The following ANPEP variants were observed in gnomAD, a reference collection of about 807,000 sequenced individuals.
The protein encoded by ANPEP is alanyl aminopeptidase, membrane.
In ANPEP, 70 loss-of-function variants were observed where a neutral mutation model predicts 114.6. The observed-to-expected ratio is 0.61, with a 90% CI of 0.50 to 0.75. The LOEUF (loss-of-function observed/expected upper bound fraction) is 0.75. Among genes scored for constraint, ANPEP ranks in the 30% least tolerant of loss-of-function variants. ANPEP has a pLI of 0.00. For synonymous variants in ANPEP, 548 were observed against 522.3 expected (o/e 1.05, Z -0.67); for missense variants, 1,184 against 1,259.5 (o/e 0.94, Z 0.91).
intron 1 of ANPEP, among the ~76,000 whole-genome samples, chr15:89,811,857 G>C (rs998791087): frequency 4.6e-5 from 7 of 152,084 alleles, no homozygotes; most frequent in Admixed American, 6.5e-5. Flanking sequence ...TCTTGACGGG[G>C]TAGAAGCCGA....
rs1356071678 is a variant in ANPEP at position 89,797,661 on chromosome 15, G to A, written c.2071C>T (p.Gln691Ter). 4.3e-6 allele frequency: 7 copies of A among 1,614,152 alleles called. No individual in the cohort carries two copies. The highest frequency in any genetic ancestry group is 5.9e-6 in the Non-Finnish European group (7 of 1,180,038). The change falls in exon 15 of 21, where the codon CAG becomes TAG. Residue 691 changes from glutamine (Q) to a stop codon, truncating the protein, a stop_gained. Transcript: ENST00000300060. LOFTEE classifies it high-confidence loss of function. ...NNTLFLIEER[Q>*]YMPWEAALSS... Reference sequence around the variant, plus strand: ...AGGGCGGCCTCCCAGGGCATGTACTGTCTCTCTTCAATCAGGAAGAGGGTG... The same window carrying A: ...AGGGCGGCCTCCCAGGGCATGTACTATCTCTCTTCAATCAGGAAGAGGGTG...
At chr15:89,805,644 T>C (rs1894695453) in intron 2 of ANPEP, among the ~76,000 whole-genome samples, 181 bp from the exon 3 acceptor site, 1 of 152,058 alleles carries the variant, frequency 6.6e-6, no homozygotes, top group Admixed American at 6.5e-5. Context: ...AGCTGACTCG[T>C]GGGGGTTGGG....
intron 20 of ANPEP, among the ~76,000 whole-genome samples, chr15:89,789,709 G>A (rs1001174189): frequency 2.0e-5 from 3 of 147,484 alleles, no homozygotes; most frequent in Non-Finnish European, 3.0e-5. Flanking sequence ...AGAGGCAGAG[G>A]TTGCAGTGAG....
chr15:89,813,631 C>A (rs1372102055), intron 1 of ANPEP, among the ~76,000 whole-genome samples: 1 of 152,128 alleles, frequency 6.6e-6, no homozygotes, highest in Non-Finnish European at 1.5e-5. Flanking sequence ...GCCCAGCTCC[C>A]CCATACCCAC....
intron 16 of ANPEP, 21 bp downstream of exon 16, chr15:89,793,014 C>G (rs773021246): frequency 1.2e-6 from 2 of 1,607,522 alleles, no homozygotes; most frequent in African/African-American, 2.7e-5. Flanking sequence ...GACTTCCAAA[C>G]CCATGAGAGC....
At chr15:89,811,444 A>G (rs1894813390) in intron 1 of ANPEP, among the ~76,000 whole-genome samples, 1 of 151,838 alleles carries the variant, frequency 6.6e-6, no homozygotes, top group Admixed American at 6.6e-5. Context: ...CAGCAGATCG[A>G]GACCATCCTG....
At chr15:89,804,647 G>C in intron 4 of ANPEP, 30 bp from the exon 5 acceptor site, 1 of 1,607,334 alleles carries the variant, frequency 6.2e-7, no homozygotes, top group Non-Finnish European at 8.5e-7. Flanking sequence ...AGCAGACCAG[G>C]GGCTCCTGTT....
chr15:89,812,648 G>T (rs897437693), intron 1 of ANPEP, among the ~76,000 whole-genome samples: 2 of 151,948 alleles, frequency 1.3e-5, no homozygotes, highest in Non-Finnish European at 2.9e-5. Flanking sequence ...GCCAAATGGG[G>T]GGTGATTATC....
chr15:89,792,555 C>G lies in ANPEP; in HGVS notation c.2257G>C (p.Glu753Gln). ...CAGGCGGTGCTGATGGCATTAACCT[C>G]GCTGTACCTGCCCCAGGGGTGACAC... ...IPENLMDQYS[E>Q]VNAISTACSN... Residue 753 changes from glutamate to glutamine, a missense_variant, in exon 17 of 21, where the codon GAG becomes CAG. Glu to Gln is a conservative substitution (Grantham distance 29). Transcript: ENST00000300060. 6.2e-7 allele frequency: 1 copy of G among 1,614,044 alleles called. No homozygotes were observed. Among genetic ancestry groups the G allele is most frequent in the Non-Finnish European group, 8.5e-7 (1 of 1,179,918 alleles).
chr15:89,801,638 A>C (rs1363277438), intron 10 of ANPEP, 31 bp from the exon 11 acceptor site: 11 of 1,606,328 alleles, frequency 6.8e-6, no homozygotes, highest in Middle Eastern at 1.9e-4. Flanking sequence ...CGTGGCCATC[A>C]GTGGGACCCT....
rs1044437154 is a variant in ANPEP at position 89,793,590 on chromosome 15, C to A, written c.2158-464G>T. On this transcript the variant is annotated intron_variant, in intron 15 of 20. Coordinates refer to ENST00000300060, the MANE Select transcript of ANPEP (RefSeq NM_001150.3). Reference sequence around the variant, plus strand: ...TGGTGGTGCACACCTGTATTCCCAGCTACTTGGGAGGCTGAGGCAGGAGAA... The same window carrying A: ...TGGTGGTGCACACCTGTATTCCCAGATACTTGGGAGGCTGAGGCAGGAGAA... 2.6e-5 allele frequency among the ~76,000 whole-genome samples: 4 copies of A among 151,084 alleles called. No homozygotes were observed. In the Admixed American group the frequency reaches 2.7e-4, roughly 10 times the overall value.
chr15:89,796,086 C>A (rs1447196852), intron 15 of ANPEP, among the ~76,000 whole-genome samples: 1 of 152,170 alleles, frequency 6.6e-6, no homozygotes, highest in Non-Finnish European at 1.5e-5. Context: ...CATGGTGGTG[C>A]ACATCTGAGG....
chr15:89,789,630 G>A (rs909869305), intron 20 of ANPEP, among the ~76,000 whole-genome samples: 22 of 151,744 alleles, frequency 1.4e-4, no homozygotes, highest in Admixed American at 5.9e-4. Context: ...AAAATTAGCC[G>A]GGTGTGGGGG....
At position 89,803,761 on chromosome 15, in the gene ANPEP, G is replaced by A. The variant is rs1485515016; in HGVS notation, c.1323C>T (p.Tyr441=). 6.2e-7 allele frequency: 1 copy of A among 1,609,846 alleles called. No individual in the cohort carries two copies. Among genetic ancestry groups the A allele is most frequent in the East Asian group, 2.2e-5 (1 of 44,736 alleles). ...CCAGTGCATCCACTGCCATCACGCG[G>A]TACACATCATTCAGCACCATGAGGT... ...LKDLMVLNDV[Y]RVMAVDALAS... The change falls in exon 8 of 21, where the codon TAC becomes TAT. Residue 441 remains tyrosine (Y), a synonymous_variant. Transcript: ENST00000300060. The surrounding 1 kb of genome is among the most constrained non-coding windows in gnomAD (Gnocchi z 4.2).
chr15:89,809,697 A>G (rs1336300751), intron 1 of ANPEP, among the ~76,000 whole-genome samples: 2 of 152,098 alleles, frequency 1.3e-5, no homozygotes, highest in African/African-American at 2.4e-5. Context: ...ACCCAACCCC[A>G]CCAGCACACG....
rs562643446 is a variant in ANPEP, at chr15:89,810,304, G to A, written c.-223-3498C>T. Among the ~76,000 whole-genome samples, 16 of 152,188 alleles carry A rather than the reference G, an allele frequency of 1.1e-4. No homozygotes were observed. The South Asian group carries it at 1.4e-3, about 14-fold the overall frequency. ...TGAGGCAGGAGAATCGCTTGAACTC[G>A]GGAGGCAGAGGTTGCAGTGAGCCGA... On this transcript the variant is annotated intron_variant, in intron 1 of 20. Coordinates refer to ENST00000300060, the MANE Select transcript of ANPEP (RefSeq NM_001150.3).
intron 1 of ANPEP, among the ~76,000 whole-genome samples, chr15:89,808,896 G>A (rs72754573): frequency 1.8e-3 from 281 of 152,368 alleles, no homozygotes; most frequent in Non-Finnish European, 2.4e-3. Context: ...CTCGTCTGGT[G>A]TATGGAGGCC....
Position 89,799,146 on chromosome 15 carries a change from G to A in ANPEP, c.2009+114C>T. On this transcript the variant is annotated intron_variant, in intron 14 of 20. Coordinates refer to ENST00000300060, the MANE Select transcript of ANPEP (RefSeq NM_001150.3). The surrounding 1 kb of genome is among the most constrained non-coding windows in gnomAD (Gnocchi z 4.2). ...CGTCCAGGGAGCACAGGAGCTCAGG[G>A]CACAGCACGTGGCATATGGGAAGGG... 7.4e-6 allele frequency: 9 copies of A among 1,223,716 alleles called. No individual in the cohort carries two copies. The South Asian group carries it at 1.1e-4, about 16-fold the overall frequency. 75.8% of individuals were successfully genotyped at this position (1,223,716 alleles called of 1,614,324 possible). A position where few individuals can be genotyped will look rare whatever the true frequency, so the allele number is the denominator to read the frequency against.
At chr15:89,786,848 C>A (rs947570482) in intron 20 of ANPEP, among the ~76,000 whole-genome samples, 1 of 151,932 alleles carries the variant, frequency 6.6e-6, no homozygotes. Flanking sequence ...TTATATTTAC[C>A]GTCAATTGAT....
Sources: gnomAD v4.1 joint callset for allele counts (sites outside exome capture counted in the v4.1 genomes callset) on GRCh38, gnomAD v4.1.1 for gene constraint, Gnocchi (gnomAD v3.1) non-coding constraint, MANE v1.5 for transcripts, NCBI Gene and HGNC (gene_info 2026-07-23, HGNC 2026-07-21) for gene names.